ADAMTS17: variants seen among roughly 807,000 people sequenced by gnomAD.
ADAMTS17 encodes the protein A disintegrin and metalloproteinase with thrombospondin motifs 17.
Under a neutral mutation model 141.5 loss-of-function variants are expected in ADAMTS17, and 113 were observed. The observed-to-expected ratio is 0.80, with a 90% CI of 0.69 to 0.93. The LOEUF (loss-of-function observed/expected upper bound fraction) is 0.93, where lower values mean the gene tolerates loss of function less well. Ranked by LOEUF, ADAMTS17 falls within the 40% of genes least tolerant of loss-of-function variation. ADAMTS17 has a pLI of 0.00. For missense variants in ADAMTS17, 1,659 were observed against 1,517.9 expected, an observed-to-expected ratio of 1.09 and a Z score of -1.54; for synonymous variants, 768 against 630.6, an observed-to-expected ratio of 1.22 and a Z score of -3.27.
At chr15:100,120,916 A>G (rs925613022) in intron 12 of ADAMTS17, among the ~76,000 whole-genome samples, 2 of 152,250 alleles carry the variant, frequency 1.3e-5, no homozygotes, top group African/African-American at 4.8e-5. Context: ...TTGCTAGACA[A>G]ATACTTTAAA....
intron 3 of ADAMTS17, among the ~76,000 whole-genome samples, chr15:100,319,877 C>G (rs1024802803): frequency 3.3e-5 from 5 of 152,088 alleles, no homozygotes; most frequent in African/African-American, 1.2e-4. Flanking sequence ...TTGCGGTGAG[C>G]TGAGATCCTG....
At position 100,102,305 on chromosome 15, in the gene ADAMTS17, C is replaced by T. The variant is rs570244214; in HGVS notation, c.2017-5829G>A. Among the ~76,000 whole-genome samples, 159 of 150,584 alleles carry T rather than the reference C, an allele frequency of 1.1e-3. No homozygotes were observed. The South Asian group carries it at 0.012, about 11-fold the overall frequency. ...CCGAAGGAGATCTACATTTGAGGGC[C>T]GACCGAAGGGGATCTACATTTGAGG... On this transcript the variant is annotated intron_variant, in intron 14 of 21. Coordinates refer to ENST00000268070, the MANE Select transcript of ADAMTS17 (RefSeq NM_139057.4).
intron 14 of ADAMTS17, among the ~76,000 whole-genome samples, chr15:100,102,569 CTCTACATTTGAAGGCCTACTGAAGGAGA>C (rs1230859862): frequency 1.2e-3 from 171 of 145,986 alleles, no homozygotes; most frequent in South Asian, 1.8e-3. Context: ...ACCGAAGGGG[CTCTACATTTGAAGGCCTACTGAAGGAGA>C]TCTACATTTG....
intron 3 of ADAMTS17, among the ~76,000 whole-genome samples, chr15:100,295,542 T>C (rs1391159260): frequency 6.6e-6 from 1 of 152,148 alleles, no homozygotes; most frequent in East Asian, 1.9e-4. Flanking sequence ...AGGCACCAAC[T>C]TGGGTATACT....
intron 15 of ADAMTS17, among the ~76,000 whole-genome samples, chr15:100,054,415 G>A (rs2032395294): frequency 1.3e-5 from 2 of 152,236 alleles, no homozygotes; most frequent in South Asian, 4.1e-4. Flanking sequence ...TCCAGCAGAT[G>A]GTTTTCTGCC....
chr15:100,102,162 G>T (rs373117176), intron 14 of ADAMTS17, among the ~76,000 whole-genome samples: 1 of 152,204 alleles, frequency 6.6e-6, no homozygotes, highest in Non-Finnish European at 1.5e-5. Flanking sequence ...TTCTGCCAGG[G>T]TCAGTTTTTT....
chr15:100,044,307 A>T (rs2031507245), intron 18 of ADAMTS17, among the ~76,000 whole-genome samples: 1 of 152,208 alleles, frequency 6.6e-6, no homozygotes, highest in Non-Finnish European at 1.5e-5. Flanking sequence ...TTATGCTAGA[A>T]TGCTTGATAC....
chr15:100,097,216 T>C (rs2035816356), intron 14 of ADAMTS17, among the ~76,000 whole-genome samples: 1 of 152,230 alleles, frequency 6.6e-6, no homozygotes, highest in South Asian at 2.1e-4. Flanking sequence ...AACCTAAATT[T>C]ATACTGAACA....
chr15:100,005,999 C>G (rs551762064), intron 18 of ADAMTS17, among the ~76,000 whole-genome samples: 1 of 152,274 alleles, frequency 6.6e-6, no homozygotes, highest in Non-Finnish European at 1.5e-5. Context: ...CCACAGTGTC[C>G]TCTGTGTGTC....
chr15:100,114,526 G>A (rs984059734), intron 13 of ADAMTS17, among the ~76,000 whole-genome samples: 3 of 152,186 alleles, frequency 2.0e-5, no homozygotes, highest in Non-Finnish European at 4.4e-5. Context: ...CAAGAAGTCA[G>A]GGCGATTCTA....
chr15:100,281,198 C>A (rs545440393), intron 4 of ADAMTS17, 31 bp downstream of exon 4: 5 of 1,600,104 alleles, frequency 3.1e-6, no homozygotes, highest in African/African-American at 1.3e-5. Flanking sequence ...AAACAGAGCC[C>A]CCCACATCAG....
chr15:100,146,762 G>A (rs144098110), intron 10 of ADAMTS17, among the ~76,000 whole-genome samples: 30 of 152,388 alleles, frequency 2.0e-4, no homozygotes, highest in East Asian at 1.3e-3. Flanking sequence ...AAGAGAATAC[G>A]TGCCTGGGGG....
At chr15:100,012,573 A>G (rs1038255183) in intron 18 of ADAMTS17, among the ~76,000 whole-genome samples, 3 of 152,182 alleles carry the variant, frequency 2.0e-5, no homozygotes, top group African/African-American at 2.4e-5. Flanking sequence ...TAGGTGAGAG[A>G]TGAAGATCCA....
chr15:100,187,526 C>G (rs540169198), intron 8 of ADAMTS17, among the ~76,000 whole-genome samples: 1 of 152,336 alleles, frequency 6.6e-6, no homozygotes, highest in East Asian at 1.9e-4. Flanking sequence ...AAGAAGTGAT[C>G]TGGTTCCTGG....
intron 4 of ADAMTS17, among the ~76,000 whole-genome samples, chr15:100,263,848 C>T (rs28624314): frequency 0.048 from 7,273 of 152,288 alleles, 540 homozygotes; most frequent in African/African-American, 0.16. Flanking sequence ...TGTGTTCACG[C>T]TATCAATACA....
chr15:100,210,094 C>T (rs1313760253), intron 7 of ADAMTS17, among the ~76,000 whole-genome samples: 2 of 151,766 alleles, frequency 1.3e-5, no homozygotes, highest in African/African-American at 4.8e-5. Flanking sequence ...ATTAGCCGGG[C>T]ATAGTGGGCG....
At chr15:100,084,225 C>A (rs1238962328) in intron 15 of ADAMTS17, among the ~76,000 whole-genome samples, 1 of 152,198 alleles carries the variant, frequency 6.6e-6, no homozygotes, top group Non-Finnish European at 1.5e-5. Context: ...GGTCCCATGC[C>A]CACAGAGCCT....
chr15:100,232,314 T>C (rs2042509239), intron 7 of ADAMTS17, among the ~76,000 whole-genome samples: 1 of 152,190 alleles, frequency 6.6e-6, no homozygotes, highest in African/African-American at 2.4e-5. Flanking sequence ...GGCTTCCCCC[T>C]GCCAGCACCT....
At chr15:100,234,152 T>C (rs972022424) in intron 7 of ADAMTS17, among the ~76,000 whole-genome samples, 2 of 152,046 alleles carry the variant, frequency 1.3e-5, no homozygotes, top group African/African-American at 2.4e-5. Context: ...AGAGGTCTGA[T>C]CGGGAATATA....
Sources: allele counts gnomAD v4.1 joint callset (sites outside exome capture counted in the v4.1 genomes callset), GRCh38; gene constraint gnomAD v4.1.1; transcripts MANE v1.5; gene names NCBI Gene and HGNC (gene_info 2026-07-23, HGNC 2026-07-21).